Variants in OPRM1 observed in about 807,000 individuals in gnomAD.
OPRM1 encodes mu-type opioid receptor.
A neutral mutation model predicts 31.8 loss-of-function variants in OPRM1; 27 were observed. The observed-to-expected ratio is 0.85, with a 90% CI of 0.63 to 1.17. The LOEUF (loss-of-function observed/expected upper bound fraction) is 1.17, where lower values mean the gene tolerates loss of function less well. OPRM1 is among the 50% of genes most tolerant of loss of function. OPRM1 has a pLI of 0.00. For missense variants in OPRM1, 536 were observed against 511.1 expected (o/e 1.05, Z -0.47); for synonymous variants, 196 against 189.9 (o/e 1.03, Z -0.26).
intron 1 of OPRM1, among the ~76,000 whole-genome samples, chr6:154,083,113 A>G (rs946386449): frequency 6.6e-6 from 1 of 152,200 alleles, no homozygotes; most frequent in African/African-American, 2.4e-5. Context: ...CAAAAATGGG[A>G]AAGCAAGGTC....
At chr6:154,083,690 C>A (rs1238015043) in intron 1 of OPRM1, 1 of 152,470 alleles carries the variant, frequency 6.6e-6, no homozygotes, top group African/African-American at 2.4e-5. Flanking sequence ...CGCCTGTAAT[C>A]CTGGCACTTT....
Position 154,246,654 on chromosome 6 carries a change from G to A in OPRM1, c.1165-39G>A, listed in dbSNP as rs150451339. 2.7e-5 allele frequency: 44 copies of A among 1,614,014 alleles called. No homozygotes were observed. The African/African-American group carries it at 5.9e-4, about 22-fold the overall frequency. On this transcript the variant is annotated intron_variant, in intron 3 of 3. Coordinates refer to the OPRM1 transcript ENST00000337049. ...GTATCACCCAGAACTTTTTCCATTT[G>A]TTGCTTAGGAAACTTCCCTTTTCCT...
intron 3 of OPRM1, among the ~76,000 whole-genome samples, chr6:154,241,687 T>G (rs1460514405): frequency 6.6e-6 from 1 of 152,172 alleles, no homozygotes; most frequent in African/African-American, 2.4e-5. Context: ...CGCCTGCATT[T>G]TCTCACCATC....
At chr6:154,063,183 A>G (rs897072794) in intron 1 of OPRM1, among the ~76,000 whole-genome samples, 1 of 152,010 alleles carries the variant, frequency 6.6e-6, no homozygotes, top group African/African-American at 2.4e-5. Flanking sequence ...ATTGTTCTAA[A>G]CTTCAGTACT....
chr6:154,091,288 GT>G lies in OPRM1; in HGVS notation c.982del (p.Tyr328ThrfsTer62), dbSNP rs1267496216. ...TCTTGGCACTTCTGCATTGCTCTAG[GT>G]TACACAAACAGCTGCCTCAACCCAG... is the stretch of plus-strand genomic sequence containing the variant. ...TVSWHFCIAL[G>X]YTNSCLNPVL... On this transcript the variant is annotated frameshift_variant, in exon 3 of 4. Transcript: ENST00000330432. LOFTEE classifies it high-confidence loss of function. 2 of 1,614,044 alleles carry G rather than the reference GT, an allele frequency of 1.2e-6. No homozygotes were observed. The highest frequency in any genetic ancestry group is 1.7e-6 in the Non-Finnish European group (2 of 1,180,044).
At chr6:154,067,909 T>A (rs2128447619) in intron 1 of OPRM1, among the ~76,000 whole-genome samples, 1 of 152,276 alleles carries the variant, frequency 6.6e-6, no homozygotes, top group South Asian at 2.1e-4. Flanking sequence ...ACTTTTTTTA[T>A]TTACAAAAAG....
downstream of OPRM1, among the ~76,000 whole-genome samples, chr6:154,134,291 CT>C (rs1798000954): frequency 6.6e-6 from 1 of 152,194 alleles, no homozygotes; most frequent in East Asian, 1.9e-4. Context: ...TCATGCCTGG[CT>C]TTGCAGGAGA....
intron 3 of OPRM1, among the ~76,000 whole-genome samples, chr6:154,164,107 A>T (rs886124789): frequency 3.9e-4 from 59 of 152,334 alleles, no homozygotes; most frequent in African/African-American, 1.4e-3. Context: ...AAAGAGTTTT[A>T]TTTTGTTCTA....
chr6:154,088,409 AT>A (rs1791179671), intron 1 of OPRM1, among the ~76,000 whole-genome samples: 1 of 152,244 alleles, frequency 6.6e-6, no homozygotes, highest in Non-Finnish European at 1.5e-5. Context: ...CATTATCTTC[AT>A]CAGAGGTTGA....
intron 3 of OPRM1, among the ~76,000 whole-genome samples, chr6:154,197,685 G>A (rs1456733649): frequency 1.3e-5 from 2 of 152,166 alleles, no homozygotes; most frequent in African/African-American, 4.8e-5. Context: ...ATTTAGCCAG[G>A]AACAAGGACT....
At chr6:154,071,106 G>C (rs1786616806) in intron 1 of OPRM1, among the ~76,000 whole-genome samples, 1 of 152,150 alleles carries the variant, frequency 6.6e-6, no homozygotes, top group Admixed American at 6.5e-5. Context: ...TAGACCTAAA[G>C]ACCATGGTTA....
intron 1 of OPRM1, among the ~76,000 whole-genome samples, chr6:154,055,886 C>T (rs764195599): frequency 6.6e-6 from 1 of 152,180 alleles, no homozygotes; most frequent in Non-Finnish European, 1.5e-5. Context: ...CAAGCAGGAT[C>T]TAAGTCTAAA....
At chr6:154,029,889 T>C (rs1238040961) in intron 1 of OPRM1, among the ~76,000 whole-genome samples, 1 of 152,218 alleles carries the variant, frequency 6.6e-6, no homozygotes, top group Non-Finnish European at 1.5e-5. Context: ...CTTCCCCGTC[T>C]GCCATGATTT....
chr6:154,194,981 A>C (rs1776467467), intron 3 of OPRM1, among the ~76,000 whole-genome samples: 1 of 152,102 alleles, frequency 6.6e-6, no homozygotes, highest in Admixed American at 6.5e-5. Context: ...GGCCAAGATC[A>C]GTCTTCACCC....
intron 3 of OPRM1, among the ~76,000 whole-genome samples, chr6:154,192,318 C>CTGTGTG (rs56231733): frequency 0.028 from 4,173 of 148,048 alleles, 132 homozygotes; most frequent in African/African-American, 0.082. Context: ...CACGTGGTTA[C>CTGTGTG]TGTGTGTGTG....
chr6:154,180,414 A>ATATATATATATTTTTT (rs1241250621), intron 3 of OPRM1, among the ~76,000 whole-genome samples: 1 of 65,268 alleles, frequency 1.5e-5, no homozygotes, highest in African/African-American at 4.8e-5. Flanking sequence ...ATATATATAT[A>ATATATATATATTTTTT]TTTTTTTTTT....
intron 3 of OPRM1, among the ~76,000 whole-genome samples, chr6:154,185,715 G>A (rs1266879143): frequency 1.3e-5 from 2 of 152,182 alleles, no homozygotes; most frequent in East Asian, 1.9e-4. Flanking sequence ...ATTAGAAGAA[G>A]AAGAAGAACT....
At chr6:154,080,556 C>T (rs913506139) in intron 1 of OPRM1, among the ~76,000 whole-genome samples, 2 of 152,206 alleles carry the variant, frequency 1.3e-5, no homozygotes, top group African/African-American at 4.8e-5. Context: ...AAAGTGCATT[C>T]CTATCTTTCC....
At chr6:154,070,157 T>C (rs1452425140) in intron 1 of OPRM1, among the ~76,000 whole-genome samples, 1 of 152,238 alleles carries the variant, frequency 6.6e-6, no homozygotes, top group East Asian at 1.9e-4. Flanking sequence ...ATGGTTCTTA[T>C]TGCCTACCCT....
Sources: gnomAD v4.1 joint callset for allele counts (sites outside exome capture counted in the v4.1 genomes callset) on GRCh38, gnomAD v4.1.1 for gene constraint, MANE v1.5 for transcripts, NCBI Gene and HGNC (gene_info 2026-07-23, HGNC 2026-07-21) for gene names.